Variants in WARS1 observed in about 807,000 individuals in gnomAD.
WARS1 encodes the protein tryptophan--tRNA ligase, cytoplasmic.
In WARS1, 17 loss-of-function variants were observed where a neutral mutation model predicts 47.8. The observed-to-expected ratio is 0.36, with a 90% CI of 0.24 to 0.53. WARS1 has a LOEUF of 0.53. Among genes scored for constraint, WARS1 ranks in the 20% least tolerant of loss-of-function variants. The probability of loss-of-function intolerance (pLI) is 0.91; values close to 1 mark genes in which losing one functional copy is unlikely to be tolerated. For synonymous variants in WARS1, 208 were observed against 228.1 expected (o/e 0.91, Z 0.79); for missense variants, 434 against 608.0 (o/e 0.71, Z 3.01).
intron 2 of WARS1, chr14:100,366,603 G>A: frequency 2.8e-6 from 2 of 725,640 alleles, no homozygotes; most frequent in East Asian, 2.5e-5. Context: ...TGAGTGTCCT[G>A]AGAGGTCAGA....
chr14:100,360,314 T>C lies in WARS1; in HGVS notation c.422+240A>G, dbSNP rs1326967069. Among the ~76,000 whole-genome samples, 7 of 152,160 alleles carry C rather than the reference T, an allele frequency of 4.6e-5. 1 individual carries two copies. The East Asian group carries it at 1.3e-3, about 29-fold the overall frequency. On this transcript the variant is annotated intron_variant, in intron 4 of 10. Coordinates refer to ENST00000392882, the MANE Select transcript of WARS1 (RefSeq NM_004184.4). ...TGGGAAGAATCTCACCTGCTATTAA[T>C]ATGATTCCCACCTTGTGAGGTGGGC...
chr14:100,349,424 T>C (rs916947506), intron 6 of WARS1, among the ~76,000 whole-genome samples: 5 of 152,170 alleles, frequency 3.3e-5, no homozygotes, highest in African/African-American at 7.2e-5. Flanking sequence ...CAATAAATAT[T>C]TGTAGAACAA....
rs367728040 is a variant in WARS1, at chr14:100,343,404, G to C, written c.827-17C>G. ...TGATCTTCCCTGAAAATGAGAAAAAGTATTTTTACACGTGAGATGAGTTCC... is the reference window on the plus strand; with the variant it reads ...TGATCTTCCCTGAAAATGAGAAAAACTATTTTTACACGTGAGATGAGTTCC... On this transcript the variant is annotated splice_polypyrimidine_tract_variant and intron_variant, in intron 7 of 10. Coordinates refer to ENST00000392882, the MANE Select transcript of WARS1 (RefSeq NM_004184.4). 6.3e-7 allele frequency: 1 copy of C among 1,594,216 alleles called. No individual in the cohort carries two copies. Among genetic ancestry groups the C allele is most frequent in the Non-Finnish European group, 8.6e-7 (1 of 1,166,080 alleles).
intron 4 of WARS1, among the ~76,000 whole-genome samples, chr14:100,358,143 AT>A (rs998890968): frequency 1.7e-4 from 26 of 151,170 alleles, no homozygotes; most frequent in Non-Finnish European, 3.4e-4. Flanking sequence ...ACATTTTCTT[AT>A]TTTTTTTTGA....
chr14:100,356,406 G>GGC (rs1895326175), intron 4 of WARS1, among the ~76,000 whole-genome samples: 1 of 146,280 alleles, frequency 6.8e-6, no homozygotes, highest in Non-Finnish European at 1.5e-5. Flanking sequence ...TGTGGGGGGG[G>GGC]GTGTGGAATA....
intron 2 of WARS1, chr14:100,365,579 CAAAAAA>C: frequency 3.9e-4 from 33 of 84,952 alleles, no homozygotes; most frequent in South Asian, 2.8e-3. Context: ...GACTCAGCCT[CAAAAAA>C]AAAAAAAAAA....
At position 100,342,365 on chromosome 14, in the gene WARS1, C is replaced by G. The variant is rs773746159; in HGVS notation, c.1113+33G>C. The G allele has an allele frequency of 6.2e-6, 10 of 1,612,110 alleles. No individual in the cohort carries two copies. In the Admixed American group the frequency reaches 8.3e-5, roughly 13 times the overall value. On this transcript the variant is annotated intron_variant, in intron 9 of 10. Transcript: ENST00000392882. The stretch of plus-strand genomic sequence containing the variant: ...GCCCCCCAGGGCATGTTTCTGATCC[C>G]GCTGGCTGCCCTCTGCCTGGGCCAC...
At chr14:100,368,260 T>G (rs534013331) in intron 2 of WARS1, 20 of 348,716 alleles carry the variant, frequency 5.7e-5, no homozygotes, top group African/African-American at 4.3e-4. Context: ...AAATATTAAC[T>G]CCAGAGAAAA....
At chr14:100,358,029 C>A (rs1055562905) in intron 4 of WARS1, among the ~76,000 whole-genome samples, 4 of 152,172 alleles carry the variant, frequency 2.6e-5, no homozygotes, top group African/African-American at 9.7e-5. Context: ...TATCAAAATC[C>A]TAGCTGCTGC....
chr14:100,353,312 G>A (rs186052787), intron 6 of WARS1, among the ~76,000 whole-genome samples: 42 of 152,040 alleles, frequency 2.8e-4, no homozygotes, highest in Admixed American at 1.3e-3. Flanking sequence ...GTGCAATGGC[G>A]TGATCTCAAC....
At chr14:100,353,186 A>G (rs1242220197) in intron 6 of WARS1, 1 of 152,666 alleles carries the variant, frequency 6.6e-6, no homozygotes, top group South Asian at 2.1e-4. Context: ...AATCCTTTCT[A>G]TGTACATACA....
At position 100,361,710 on chromosome 14, in the gene WARS1, A is replaced by G; in HGVS notation, c.311T>C (p.Ile104Thr). 6.2e-7 allele frequency: 1 copy of G among 1,614,130 alleles called. No homozygotes were observed. The highest frequency in any genetic ancestry group is 1.1e-5 in the South Asian group (1 of 91,080). ...SAKGIDYDKL[I>T]VRFGSSKIDK... ...TGGGAAGAAAGCAGAGGACGTACCA[A>G]TGAGCTTATCGTAGTCTATGCCTTT... Residue 104 changes from isoleucine to threonine, a missense_variant and splice_region_variant, in exon 3 of 11, where the codon ATT becomes ACT. Physicochemically the swap from Ile to Thr is moderately conservative, Grantham distance 89. Around this residue, in one of 2 missense-constraint regions of WARS1, gnomAD observed 347 missense variants for 523.8 expected, o/e 0.66. Coordinates refer to ENST00000392882, the MANE Select transcript of WARS1 (RefSeq NM_004184.4).
intron 2 of WARS1, chr14:100,366,639 A>G (rs978672151): frequency 9.2e-6 from 7 of 762,474 alleles, no homozygotes; most frequent in African/African-American, 3.4e-5. Context: ...GCCCATGGAC[A>G]TGGACATGAG....
In WARS1 at chr14:100,361,790, G is replaced by T. The variant is rs1695655743; in HGVS notation, c.231C>A (p.Ala77=). 1 of 1,614,002 alleles carries T rather than the reference G, an allele frequency of 6.2e-7. No homozygotes were observed. Among genetic ancestry groups the T allele is most frequent in the Non-Finnish European group, 8.5e-7 (1 of 1,180,038 alleles). Residue 77 remains alanine, a synonymous_variant, in exon 3 of 11, where the codon GCC becomes GCA. Transcript: ENST00000392882. ...PAPTSNHGPD[A]TEAEEDFVDP... ...CCACAAAATCCTCTTCAGCTTCTGT[G>T]GCATCTGGGCCATGATTACTGGTAG... is the stretch of plus-strand genomic sequence containing the variant.
rs905853881 is a variant in WARS1, at chr14:100,351,976, G to C, written c.725+1711C>G. Among the ~76,000 whole-genome samples, 3 of 142,412 alleles carry C rather than the reference G, an allele frequency of 2.1e-5. No individual in the cohort carries two copies. The East Asian group carries it at 6.5e-4, about 31-fold the overall frequency. 93.4% of individuals were successfully genotyped at this position (142,412 alleles called of 152,430 possible). A position where few individuals can be genotyped will look rare whatever the true frequency, so the allele number is the denominator to read the frequency against. On this transcript the variant is annotated intron_variant, in intron 6 of 10. Transcript: ENST00000392882. ...CCACTGCACTCCAGCCTGGGTGACA[G>C]AGCGAGACTCCGTCTCAAAAAAAAA...
At chr14:100,368,692 G>T (rs1896157253) in intron 2 of WARS1, among the ~76,000 whole-genome samples, 2 of 152,218 alleles carry the variant, frequency 1.3e-5, no homozygotes, top group African/African-American at 2.4e-5. Context: ...CTGGCGTGGT[G>T]GCTCATGCTG....
intron 1 of WARS1, among the ~76,000 whole-genome samples, chr14:100,370,005 T>C (rs1896246728): frequency 6.6e-6 from 1 of 152,204 alleles, no homozygotes; most frequent in African/African-American, 2.4e-5. Flanking sequence ...GGATGAATTC[T>C]TGGGCTTTTG....
At chr14:100,361,448 C>CA (rs551205381) in intron 3 of WARS1, among the ~76,000 whole-genome samples, 1 of 151,724 alleles carries the variant, frequency 6.6e-6, no homozygotes, top group Non-Finnish European at 1.5e-5. Flanking sequence ...CTGAAGTGCT[C>CA]AAAAAAAGGG....
chr14:100,357,388 A>G (rs894147137), intron 4 of WARS1, among the ~76,000 whole-genome samples: 4 of 152,248 alleles, frequency 2.6e-5, no homozygotes, highest in South Asian at 4.1e-4. Context: ...CGAATCTGCA[A>G]AAAGAAAAAA....
Sources: gnomAD v4.1 joint callset for allele counts (sites outside exome capture counted in the v4.1 genomes callset) on GRCh38, gnomAD v4.1.1 for gene constraint, gnomAD v4.1.1 regional missense constraint, MANE v1.5 for transcripts, NCBI Gene and HGNC (gene_info 2026-07-23, HGNC 2026-07-21) for gene names.